RBFOX1: variants seen among roughly 807,000 people sequenced by gnomAD.
RBFOX1 encodes the protein RNA binding protein fox-1 homolog 1.
A neutral mutation model predicts 57.7 loss-of-function variants in RBFOX1; 8 were observed. That is an observed-to-expected ratio of 0.14 (90% CI 0.08 to 0.25). The LOEUF (loss-of-function observed/expected upper bound fraction) is 0.25. RBFOX1 is among the 10% of genes least tolerant of loss of function. The pLI is 1.00. For synonymous variants in RBFOX1, 326 were observed against 222.4 expected, an observed-to-expected ratio of 1.47 and a Z score of -4.15; for missense variants, 611 against 548.5, an observed-to-expected ratio of 1.11 and a Z score of -1.14.
chr16:7,423,014 G>A lies in RBFOX1; in HGVS notation c.28-95133G>A, dbSNP rs2098557256. The A allele has an allele frequency of 2.0e-5, 3 of 152,066 alleles. No homozygotes were observed. In the South Asian group the frequency reaches 6.2e-4, roughly 32 times the overall value. 9.4% of individuals were successfully genotyped at this position (152,066 alleles called of 1,614,324 possible). On this transcript the variant is annotated intron_variant, in intron 4 of 15. Transcript: ENST00000550418. ...CTGGCCACCCAACCTCGTGCCGGCT[G>A]GCTTCACACCTGGGGTGAGTTTATC...
chr16:6,360,186 T>C (rs1174347527), intron 2 of RBFOX1, among the ~76,000 whole-genome samples: 2 of 152,042 alleles, frequency 1.3e-5, no homozygotes, highest in Admixed American at 6.5e-5. Context: ...GTAATGAAAA[T>C]AGGAAGAAGC....
chr16:7,109,208 A>C (rs932952360), intron 4 of RBFOX1, among the ~76,000 whole-genome samples: 1 of 152,298 alleles, frequency 6.6e-6, no homozygotes, highest in South Asian at 2.1e-4. Context: ...AACAAGTATA[A>C]AGGATACCAG....
intron 1 of RBFOX1, among the ~76,000 whole-genome samples, chr16:5,348,981 G>T (rs2065202938): frequency 6.6e-6 from 1 of 152,120 alleles, no homozygotes; most frequent in South Asian, 2.1e-4. Flanking sequence ...TCAATTTTTT[G>T]AGAAACGTCC....
At chr16:7,179,535 T>G (rs570873523) in intron 4 of RBFOX1, among the ~76,000 whole-genome samples, 1 of 152,274 alleles carries the variant, frequency 6.6e-6, no homozygotes, top group East Asian at 1.9e-4. Context: ...GTTAGACCTG[T>G]TAGGTGTTGG....
At chr16:7,540,250 C>G (rs942091806) in intron 5 of RBFOX1, among the ~76,000 whole-genome samples, 1 of 152,140 alleles carries the variant, frequency 6.6e-6, no homozygotes, top group African/African-American at 2.4e-5. Context: ...CTCGCTGTTT[C>G]CCTCGCTGGA....
At chr16:7,051,788 C>T (rs1265184604) in intron 3 of RBFOX1, among the ~76,000 whole-genome samples, 1 of 152,140 alleles carries the variant, frequency 6.6e-6, no homozygotes, top group Non-Finnish European at 1.5e-5. Flanking sequence ...GCCCTCATCC[C>T]AGGCAGATGC....
At chr16:7,450,392 C>CAAAAA (rs57188328) in intron 4 of RBFOX1, among the ~76,000 whole-genome samples, 10 of 69,576 alleles carry the variant, frequency 1.4e-4, no homozygotes, top group East Asian at 9.9e-4. Flanking sequence ...GACTCTGTCT[C>CAAAAA]AAAAAAAAAA....
At chr16:6,320,178 A>G (rs1312658180) in intron 2 of RBFOX1, among the ~76,000 whole-genome samples, 1 of 152,210 alleles carries the variant, frequency 6.6e-6, no homozygotes, top group Non-Finnish European at 1.5e-5. Flanking sequence ...TGTTAGTTAT[A>G]TCGGAATGAC....
chr16:6,360,069 C>T (rs1001573966), intron 2 of RBFOX1, among the ~76,000 whole-genome samples: 14 of 152,192 alleles, frequency 9.2e-5, no homozygotes, highest in African/African-American at 2.6e-4. Context: ...ATTATTAACT[C>T]TGAGCAGCAT....
At chr16:7,093,342 G>C (rs1040798518) in intron 4 of RBFOX1, among the ~76,000 whole-genome samples, 1 of 152,198 alleles carries the variant, frequency 6.6e-6, no homozygotes, top group Admixed American at 6.5e-5. Flanking sequence ...CCAGGAGATA[G>C]TTCAGAGCCC....
chr16:6,828,623 G>A (rs1176789845), intron 3 of RBFOX1, among the ~76,000 whole-genome samples: 2 of 151,928 alleles, frequency 1.3e-5, no homozygotes, highest in Admixed American at 1.3e-4. Context: ...AAGACCAAGT[G>A]GACCCAACAT....
chr16:6,986,303 C>T (rs540869437), intron 3 of RBFOX1, among the ~76,000 whole-genome samples: 86 of 152,126 alleles, frequency 5.7e-4, no homozygotes, highest in Non-Finnish European at 1.0e-3. Flanking sequence ...CGGGTTCAAG[C>T]GACTCTTGCC....
intron 4 of RBFOX1, among the ~76,000 whole-genome samples, chr16:7,432,234 A>C (rs1598302006): frequency 6.6e-6 from 1 of 152,226 alleles, no homozygotes; most frequent in African/African-American, 2.4e-5. Context: ...CTTGTCTTAA[A>C]GGTAGGATGA....
intron 3 of RBFOX1, among the ~76,000 whole-genome samples, chr16:6,806,918 C>T (rs1311152860): frequency 6.7e-6 from 1 of 148,302 alleles, no homozygotes; most frequent in South Asian, 2.1e-4. Context: ...ACTGCAAACT[C>T]CACCTCCTGG....
chr16:6,911,168 C>G (rs907476209), intron 3 of RBFOX1, among the ~76,000 whole-genome samples: 1 of 149,692 alleles, frequency 6.7e-6, no homozygotes, highest in African/African-American at 2.5e-5. Context: ...CACCATTGCA[C>G]TCCAACCTGG....
At chr16:5,710,756 C>T (rs574790172) in intron 3 of RBFOX1, among the ~76,000 whole-genome samples, 1 of 152,278 alleles carries the variant, frequency 6.6e-6, no homozygotes, top group East Asian at 1.9e-4. Context: ...CTATTACCGG[C>T]TCTGTGTCCC....
intron 3 of RBFOX1, among the ~76,000 whole-genome samples, chr16:5,844,918 A>G (rs958744045): frequency 6.6e-6 from 1 of 152,174 alleles, no homozygotes; most frequent in African/African-American, 2.4e-5. Flanking sequence ...AAGAACACCA[A>G]GAGTTTATTT....
Position 7,145,265 on chromosome 16 carries a change from C to T in RBFOX1, c.27+93167C>T, listed in dbSNP as rs141913497. 7.7e-3 allele frequency among the ~76,000 whole-genome samples: 1,172 copies of T among 152,210 alleles called. 17 individuals carry two copies. The highest frequency in any genetic ancestry group is 0.026 in the African/African-American group (1,098 of 41,536). ...TGTTGCCCAGGCTGGAGTGCAGTGG[C>T]GCAGTCTCAGTTCACTGCAGCCTCA... On this transcript the variant is annotated intron_variant, in intron 4 of 15. Transcript: ENST00000550418.
At chr16:6,144,271 C>G (rs1270101335) in intron 1 of RBFOX1, among the ~76,000 whole-genome samples, 1 of 152,084 alleles carries the variant, frequency 6.6e-6, no homozygotes, top group Non-Finnish European at 1.5e-5. Context: ...ATTTATTAGG[C>G]ATATTGTTCC....
Sources: allele counts gnomAD v4.1 joint callset (sites outside exome capture counted in the v4.1 genomes callset), GRCh38; gene constraint gnomAD v4.1.1; transcripts MANE v1.5; gene names NCBI Gene and HGNC (gene_info 2026-07-23, HGNC 2026-07-21).